Variants in CHERP observed in about 807,000 individuals in gnomAD.
CHERP encodes the protein calcium homeostasis endoplasmic reticulum protein.
CHERP carries 8 observed loss-of-function variants against 113.8 expected under a neutral mutation model. The ratio of observed to expected loss-of-function variants is 0.07; its 90% CI spans 0.04 to 0.13. The LOEUF is 0.13. Among genes scored for constraint, CHERP ranks in the 10% least tolerant of loss-of-function variants. The probability of loss-of-function intolerance (pLI) is 1.00; values close to 1 mark genes in which losing one functional copy is unlikely to be tolerated. For synonymous variants in CHERP, 559 were observed against 524.5 expected (o/e 1.07, Z -0.90); for missense variants, 884 against 1,298.2 (o/e 0.68, Z 4.90).
At position 16,532,632 on chromosome 19, in the gene CHERP, G is replaced by C. The variant is rs2085714315; in HGVS notation, c.640C>G (p.Leu214Val). The change falls in exon 5 of 17, where the codon CTC becomes GTC. Residue 214 changes from leucine (L) to valine (V), a missense_variant. Coordinates refer to ENST00000546361, the MANE Select transcript of CHERP (RefSeq NM_006387.6). This position sits in a 1 kb window ranked among gnomAD's most constrained non-coding sequence, Gnocchi z 4.4. ...AGCACGTCATTGATCAGGTAGATGAGGTGCAGCCGCAGCTCGAAGTGTGCC... is the reference window on the plus strand; with the variant it reads ...AGCACGTCATTGATCAGGTAGATGACGTGCAGCCGCAGCTCGAAGTGTGCC... ...DGAHFELRLHLIYLINDVLHH... is the reference protein window; with the variant it reads ...DGAHFELRLHVIYLINDVLHH... 4 of 1,611,118 alleles carry C rather than the reference G, an allele frequency of 2.5e-6. No individual in the cohort carries two copies. In the East Asian group the frequency reaches 8.9e-5, roughly 36 times the overall value.
chr19:16,535,654 G>A lies in CHERP; in HGVS notation c.200-18C>T. 1.3e-6 allele frequency: 2 copies of A among 1,487,618 alleles called. No individual in the cohort carries two copies. Among genetic ancestry groups the A allele is most frequent in the Non-Finnish European group, 1.8e-6 (2 of 1,120,630 alleles). The allele number at this position is 1,487,618 out of a possible 1,614,324, so 92.2% of individuals were successfully genotyped here. A position where few individuals can be genotyped will look rare whatever the true frequency, so the allele number is the denominator to read the frequency against. ...GCAGATGACTGGAGGGAGAGGAGGA[G>A]GGGTGCCCCATGAGAATGCAGATGG... is the stretch of plus-strand genomic sequence containing the variant. On this transcript the variant is annotated intron_variant, in intron 2 of 16. Coordinates refer to ENST00000546361, the MANE Select transcript of CHERP (RefSeq NM_006387.6). The surrounding 1 kb of genome is among the most constrained non-coding windows in gnomAD (Gnocchi z 4.3).
rs1466396193 is a variant in CHERP, at chr19:16,541,856, C to T, written c.199+14G>A. The stretch of plus-strand genomic sequence containing the variant: ...GCGCTCGATGGGACGGCCTGAGTGC[C>T]GGAGGGGACTCACGCTGCTGCTGCT... On this transcript the variant is annotated intron_variant, in intron 2 of 16. Transcript: ENST00000546361. 6 of 1,609,302 alleles carry T rather than the reference C, an allele frequency of 3.7e-6. No individual in the cohort carries two copies. Among genetic ancestry groups the T allele is most frequent in the African/African-American group, 2.7e-5 (2 of 74,724 alleles).
At position 16,532,532 on chromosome 19, in the gene CHERP, C is replaced by T; in HGVS notation, c.674+66G>A. 6.7e-7 allele frequency: 1 copy of T among 1,481,720 alleles called. No homozygotes were observed. 91.8% of individuals were successfully genotyped at this position (1,481,720 alleles called of 1,614,324 possible). On this transcript the variant is annotated intron_variant, in intron 5 of 16. Coordinates refer to ENST00000546361, the MANE Select transcript of CHERP (RefSeq NM_006387.6). This position sits in a 1 kb window ranked among gnomAD's most constrained non-coding sequence, Gnocchi z 4.4. The stretch of plus-strand genomic sequence containing the variant: ...CCAAGCTACCGACCGGAGCAAGCGG[C>T]CACCCAGGAGGGTTGAGGAGGAGCG...
intron 2 of CHERP, chr19:16,539,809 C>T (rs902172808): frequency 6.6e-6 from 1 of 152,292 alleles, no homozygotes; most frequent in African/African-American, 2.4e-5. Context: ...CAGTTCACCA[C>T]CCCTTAGACA....
rs2085691129 is a variant in CHERP, at chr19:16,530,287, T to G, written c.876+298A>C. 6.6e-6 allele frequency among the ~76,000 whole-genome samples: 1 copy of G among 152,210 alleles called. No individual in the cohort carries two copies. Among genetic ancestry groups the G allele is most frequent in the Admixed American group, 6.5e-5 (1 of 15,278 alleles). On this transcript the variant is annotated intron_variant, in intron 7 of 16. Coordinates refer to ENST00000546361, the MANE Select transcript of CHERP (RefSeq NM_006387.6). The surrounding 1 kb of genome is among the most constrained non-coding windows in gnomAD (Gnocchi z 4.1). ...GCCACAGCCTAAGCCACGTCTGGGC[T>G]TCCTCATGCTTCCACCACACCGGAA... is the stretch of plus-strand genomic sequence containing the variant.
intron 2 of CHERP, among the ~76,000 whole-genome samples, chr19:16,540,480 C>T (rs1196900223): frequency 6.6e-6 from 1 of 151,808 alleles, no homozygotes; most frequent in Non-Finnish European, 1.5e-5. Context: ...TCAAGCGATT[C>T]TTCTGCCTCA....
intron 9 of CHERP, among the ~76,000 whole-genome samples, chr19:16,526,672 G>C (rs149541290): frequency 1.1e-3 from 175 of 152,242 alleles, no homozygotes; most frequent in African/African-American, 4.0e-3. Flanking sequence ...TCACCACGTT[G>C]GCCAGGCTGG....
In CHERP at chr19:16,520,584, G is replaced by C. The variant is rs2085602944; in HGVS notation, c.2202-77C>G. ...GCCCACCCTGGCCCTCAGGTTCCTA[G>C]ACCACCCCAGATGCAGGGGCTCTGG... is the stretch of plus-strand genomic sequence containing the variant. On this transcript the variant is annotated intron_variant, in intron 13 of 16. Transcript: ENST00000546361. This position sits in a 1 kb window ranked among gnomAD's most constrained non-coding sequence, Gnocchi z 4.0. 1.9e-5 allele frequency: 28 copies of C among 1,503,050 alleles called. No individual in the cohort carries two copies. In the South Asian group the frequency reaches 3.3e-4, roughly 18 times the overall value. 93.1% of individuals were successfully genotyped at this position (1,503,050 alleles called of 1,614,324 possible).
Position 16,520,350 on chromosome 19 carries a change from C to G in CHERP, c.2345+14G>C. On this transcript the variant is annotated intron_variant, in intron 14 of 16. Coordinates refer to ENST00000546361, the MANE Select transcript of CHERP (RefSeq NM_006387.6). This position sits in a 1 kb window ranked among gnomAD's most constrained non-coding sequence, Gnocchi z 4.0. ...AGAGGCCTCAGGCACTGCCCTGAGG[C>G]AGCCTCTGCCTACCTAGATCTGGAG... 1 of 1,611,954 alleles carries G rather than the reference C, an allele frequency of 6.2e-7. No individual in the cohort carries two copies. The highest frequency in any genetic ancestry group is 1.7e-5 in the Admixed American group (1 of 59,944).
rs1322255850 is a variant in CHERP at position 16,520,977 on chromosome 19, T to C, written c.2115-65A>G. On this transcript the variant is annotated intron_variant, in intron 12 of 16. Transcript: ENST00000546361. This position sits in a 1 kb window ranked among gnomAD's most constrained non-coding sequence, Gnocchi z 4.0. ...CACCCACAAGGAAGTCGTGAAAAAG[T>C]CATCAGGAGTTAATCCACAGAACCT... 9 of 1,369,136 alleles carry C rather than the reference T, an allele frequency of 6.6e-6. No homozygotes were observed. In the African/African-American group the frequency reaches 1.3e-4, roughly 19 times the overall value. The allele number at this position is 1,369,136 out of a possible 1,614,324, so 84.8% of individuals were successfully genotyped here. A position where few individuals can be genotyped will look rare whatever the true frequency, so the allele number is the denominator to read the frequency against.
In CHERP at chr19:16,523,403, C is replaced by A; in HGVS notation, c.1742-113G>T. 7.9e-7 allele frequency: 1 copy of A among 1,262,662 alleles called. No homozygotes were observed. The highest frequency in any genetic ancestry group is 1.5e-5 in the African/African-American group (1 of 64,742). The allele number at this position is 1,262,662 out of a possible 1,614,324, so 78.2% of individuals were successfully genotyped here. The stretch of plus-strand genomic sequence containing the variant: ...CCAGGAGACGAACCCCTCCTGGGAG[C>A]CTGTCCAGCATCTTCTCTCACTGCT... On this transcript the variant is annotated intron_variant, in intron 10 of 16. Coordinates refer to ENST00000546361, the MANE Select transcript of CHERP (RefSeq NM_006387.6). The surrounding 1 kb of genome is among the most constrained non-coding windows in gnomAD (Gnocchi z 4.0).
In CHERP at chr19:16,523,772, C is replaced by T. The variant is rs547953007; in HGVS notation, c.1742-482G>A. Among the ~76,000 whole-genome samples, 4 of 151,824 alleles carry T rather than the reference C, an allele frequency of 2.6e-5. No individual in the cohort carries two copies. In the South Asian group the frequency reaches 8.3e-4, roughly 32 times the overall value. On this transcript the variant is annotated intron_variant, in intron 10 of 16. Transcript: ENST00000546361. This position sits in a 1 kb window ranked among gnomAD's most constrained non-coding sequence, Gnocchi z 4.0. ...CCTATGAGCCAAGGAGACAGGCCTC[C>T]AAGACACTAACCTGAACCCGCCACA... is the stretch of plus-strand genomic sequence containing the variant.
At chr19:16,533,876 C>T (rs917453125) in intron 3 of CHERP, among the ~76,000 whole-genome samples, 4 of 152,038 alleles carry the variant, frequency 2.6e-5, no homozygotes, top group African/African-American at 9.7e-5. Context: ...ACACCCATGG[C>T]CTCTAGTGAA....
chr19:16,519,108 G>A lies in CHERP; in HGVS notation c.*51C>T. 1 of 1,522,394 alleles carries A rather than the reference G, an allele frequency of 6.6e-7. No individual in the cohort carries two copies. Among genetic ancestry groups the A allele is most frequent in the Non-Finnish European group, 9.0e-7 (1 of 1,115,986 alleles). 94.3% of individuals were successfully genotyped at this position (1,522,394 alleles called of 1,614,324 possible). A position where few individuals can be genotyped will look rare whatever the true frequency, so the allele number is the denominator to read the frequency against. The stretch of plus-strand genomic sequence containing the variant: ...TCTTCCTCTGCCAGTCAGCCAGGAA[G>A]GTCCCACAGCCGGCACCGCTGGCCA... On this transcript the variant is annotated 3_prime_UTR_variant, in exon 17 of 17. Transcript: ENST00000546361. The surrounding 1 kb of genome is among the most constrained non-coding windows in gnomAD (Gnocchi z 6.0).
At chr19:16,521,496 C>T in intron 12 of CHERP, 25 bp downstream of exon 12, 2 of 1,543,930 alleles carry the variant, frequency 1.3e-6, no homozygotes, top group Non-Finnish European at 1.7e-6. Context: ...GCCTCCCGCC[C>T]ACCCCACTGA....
rs1281784169 is a variant in CHERP at position 16,523,196 on chromosome 19, G to A, written c.1836C>T (p.Phe612=). 6.3e-6 allele frequency: 10 copies of A among 1,578,704 alleles called. No homozygotes were observed. The highest frequency in any genetic ancestry group is 8.6e-6 in the Non-Finnish European group (10 of 1,165,594). The change falls in exon 11 of 17, where the codon TTC becomes TTT. Residue 612 remains phenylalanine (F), a synonymous_variant. Transcript: ENST00000546361. The surrounding 1 kb of genome is among the most constrained non-coding windows in gnomAD (Gnocchi z 4.0). ...CGTTGAAGCCATGGGGGGGAGGGCC[G>A]AAGTCAGGGTGCTGGGGTCCAGCCC... ...PPWAGPQHPD[F]GPPPHGFNGQ...
At chr19:16,542,074 G>C (rs376280052) in intron 1 of CHERP, 31 bp from the exon 2 acceptor site, 10 of 1,591,688 alleles carry the variant, frequency 6.3e-6, no homozygotes, top group Non-Finnish European at 8.5e-6. Flanking sequence ...CACGCGGGGC[G>C]TCAGCGAGGA....
chr19:16,542,403 C>G lies in CHERP; in HGVS notation c.-25G>C. 2.2e-6 allele frequency: 3 copies of G among 1,355,294 alleles called. No individual in the cohort carries two copies. The South Asian group carries it at 6.5e-5, about 29-fold the overall frequency. 84.0% of individuals were successfully genotyped at this position (1,355,294 alleles called of 1,614,324 possible). A position where few individuals can be genotyped will look rare whatever the true frequency, so the allele number is the denominator to read the frequency against. ...TGGCTCCGGCCGCGGGGAACGTCCT[C>G]CGGCGCCACACGATCGACCACCAGC... On this transcript the variant is annotated 5_prime_UTR_variant, in exon 1 of 17. Coordinates refer to ENST00000546361, the MANE Select transcript of CHERP (RefSeq NM_006387.6).
In CHERP at chr19:16,519,170, C is replaced by G; in HGVS notation, c.2740G>C (p.Glu914Gln). ...CCCGGCATGGGCGCCTACTTACACT[C>G]GTCCCTGGCCTTCATGCGGGCGATG... ...SFIARMKARD[E>Q]CK Residue 914 changes from glutamate to glutamine, a missense_variant, in exon 17 of 17, where the codon GAG (glutamate) becomes CAG (glutamine). Coordinates refer to ENST00000546361, the MANE Select transcript of CHERP (RefSeq NM_006387.6). This position sits in a 1 kb window ranked among gnomAD's most constrained non-coding sequence, Gnocchi z 6.0. 2 of 1,613,284 alleles carry G rather than the reference C, an allele frequency of 1.2e-6. No individual in the cohort carries two copies. The highest frequency in any genetic ancestry group is 1.7e-6 in the Non-Finnish European group (2 of 1,179,824).
Sources: allele counts gnomAD v4.1 joint callset (sites outside exome capture counted in the v4.1 genomes callset), GRCh38; gene constraint gnomAD v4.1.1; non-coding constraint Gnocchi (gnomAD v3.1); transcripts MANE v1.5; gene names NCBI Gene and HGNC (gene_info 2026-07-23, HGNC 2026-07-21).